Variants in THOP1 observed in about 807,000 individuals in gnomAD.
THOP1 encodes the protein thimet oligopeptidase.
A neutral mutation model predicts 71.8 loss-of-function variants in THOP1; 49 were observed. The observed-to-expected ratio is 0.68, with a 90% CI of 0.54 to 0.87. The LOEUF (loss-of-function observed/expected upper bound fraction) is 0.87, where lower values mean the gene tolerates loss of function less well. Ranked by LOEUF, THOP1 falls within the 40% of genes least tolerant of loss-of-function variation. THOP1 has a pLI of 0.00. For missense variants in THOP1, 843 were observed against 975.6 expected, an observed-to-expected ratio of 0.86 and a Z score of 1.81; for synonymous variants, 426 against 421.5, an observed-to-expected ratio of 1.01 and a Z score of -0.13.
Position 2,801,226 on chromosome 19 carries a change from G to A in THOP1, c.589+1435G>A, listed in dbSNP as rs1371325213. ...TCCTGGGGAAGTCTGTATGAAGCGC[G>A]GTGGAAGTTCAGTTGGCATCAGCCA... is the stretch of plus-strand genomic sequence containing the variant. On this transcript the variant is annotated intron_variant, in intron 5 of 12. Transcript: ENST00000307741. The surrounding 1 kb of genome is among the most constrained non-coding windows in gnomAD (Gnocchi z 5.1). 1.3e-5 allele frequency among the ~76,000 whole-genome samples: 2 copies of A among 152,302 alleles called. No individual in the cohort carries two copies. The highest frequency in any genetic ancestry group is 3.4e-3 in the Middle Eastern group (1 of 294).
chr19:2,787,583 A>G (rs895350281), intron 1 of THOP1, among the ~76,000 whole-genome samples: 3 of 152,184 alleles, frequency 2.0e-5, no homozygotes, highest in Non-Finnish European at 4.4e-5. Context: ...CTAAAATCCT[A>G]AATACTCTGT....
Position 2,808,194 on chromosome 19 carries a change from T to C in THOP1, c.1254-49T>C, listed in dbSNP as rs945573266. On this transcript the variant is annotated intron_variant, in intron 8 of 12. Coordinates refer to ENST00000307741, the MANE Select transcript of THOP1 (RefSeq NM_003249.5). ...CTGAGGGATGCGGAGTCAGGGACTC[T>C]TGCGGTGTCTCTAGTCCCTGCGGGG... 5 of 1,526,748 alleles carry C rather than the reference T, an allele frequency of 3.3e-6. No individual in the cohort carries two copies. The African/African-American group carries it at 4.1e-5, about 13-fold the overall frequency. 94.6% of individuals were successfully genotyped at this position (1,526,748 alleles called of 1,614,324 possible). A position where few individuals can be genotyped will look rare whatever the true frequency, so the allele number is the denominator to read the frequency against.
rs931084938 is a variant in THOP1, at chr19:2,810,645, T to G, written c.1648T>G (p.Phe550Val). The G allele has an allele frequency of 1.9e-6, 3 of 1,552,962 alleles. No homozygotes were observed. The highest frequency in any genetic ancestry group is 2.7e-5 in the African/African-American group (2 of 73,254). ...TCTCCTTCCCTCCCGCCCAGGCCTC[T>G]TCAACCTGCGCCAGATCGTCCTCGC... ...IESRQANTGL[F>V]NLRQIVLAKV... is the part of the protein sequence containing the mutation. The change falls in exon 11 of 13, where the codon TTC becomes GTC. Residue 550 changes from phenylalanine to valine, a missense_variant. Physicochemically the swap from Phe to Val is conservative, Grantham distance 50. Coordinates refer to ENST00000307741, the MANE Select transcript of THOP1 (RefSeq NM_003249.5).
intron 2 of THOP1, among the ~76,000 whole-genome samples, chr19:2,791,104 C>G (rs766494657): frequency 6.6e-6 from 1 of 152,184 alleles, no homozygotes; most frequent in Non-Finnish European, 1.5e-5. Flanking sequence ...TCTGCCTCTG[C>G]GCCCTCCGGC....
In THOP1 at chr19:2,801,535, C is replaced by CCGGG. The variant is rs755757799; in HGVS notation, c.589+1745_589+1748dup. 7.9e-5 allele frequency among the ~76,000 whole-genome samples: 12 copies of CCGGG among 152,168 alleles called. No homozygotes were observed. The highest frequency in any genetic ancestry group is 1.6e-4 in the Non-Finnish European group (11 of 68,034). ...TCCAGGGCTGTCCGCTGCTGCTGCC[C>CCGGG]CGGGACCTGTTTCCCTTTGTGGTCC... On this transcript the variant is annotated intron_variant, in intron 5 of 12. Coordinates refer to ENST00000307741, the MANE Select transcript of THOP1 (RefSeq NM_003249.5). The surrounding 1 kb of genome is among the most constrained non-coding windows in gnomAD (Gnocchi z 5.1).
chr19:2,801,225 C>T lies in THOP1; in HGVS notation c.589+1434C>T, dbSNP rs961558041. On this transcript the variant is annotated intron_variant, in intron 5 of 12. Transcript: ENST00000307741. This position sits in a 1 kb window ranked among gnomAD's most constrained non-coding sequence, Gnocchi z 5.1. Reference sequence around the variant, plus strand: ...ATCCTGGGGAAGTCTGTATGAAGCGCGGTGGAAGTTCAGTTGGCATCAGCC... The same window carrying T: ...ATCCTGGGGAAGTCTGTATGAAGCGTGGTGGAAGTTCAGTTGGCATCAGCC... 3.9e-5 allele frequency among the ~76,000 whole-genome samples: 6 copies of T among 152,176 alleles called. No homozygotes were observed. Among genetic ancestry groups the T allele is most frequent in the Admixed American group, 2.0e-4 (3 of 15,276 alleles).
intron 8 of THOP1, chr19:2,808,028 C>T: frequency 1.3e-6 from 1 of 779,456 alleles, no homozygotes; most frequent in Non-Finnish European, 2.0e-6. Flanking sequence ...CAGCTCTGCC[C>T]AGGCCGGAGT....
intron 4 of THOP1, among the ~76,000 whole-genome samples, chr19:2,798,951 C>T (rs1039411157): frequency 1.3e-5 from 2 of 152,222 alleles, no homozygotes; most frequent in Non-Finnish European, 2.9e-5. Context: ...ACTCAAGATT[C>T]AGTTCCTTTG....
chr19:2,805,242 A>C lies in THOP1; in HGVS notation c.750+66A>C, dbSNP rs1599528818. The C allele has an allele frequency of 1.3e-6, 2 of 1,524,006 alleles. No individual in the cohort carries two copies. Among genetic ancestry groups the C allele is most frequent in the Non-Finnish European group, 1.8e-6 (2 of 1,133,730 alleles). The allele number at this position is 1,524,006 out of a possible 1,614,324, so 94.4% of individuals were successfully genotyped here. A position where few individuals can be genotyped will look rare whatever the true frequency, so the allele number is the denominator to read the frequency against. On this transcript the variant is annotated intron_variant, in intron 6 of 12. Transcript: ENST00000307741. This position sits in a 1 kb window ranked among gnomAD's most constrained non-coding sequence, Gnocchi z 6.6. The stretch of plus-strand genomic sequence containing the variant: ...GGAGCTTGTGGGGCCCGTCTGCTCC[A>C]TGTGTGTGAGGCACCTCCAGGCTTT...
intron 1 of THOP1, among the ~76,000 whole-genome samples, chr19:2,789,288 C>T (rs531178376): frequency 2.0e-5 from 3 of 152,318 alleles, no homozygotes; most frequent in East Asian, 3.9e-4. Context: ...GGGCCCTGCA[C>T]GGTTAGGTGT....
Position 2,815,264 on chromosome 19 carries a change from T to TCA in THOP1, c.*1997_*1998dup, listed in dbSNP as rs1176554174. 1 of 152,274 alleles carries TCA rather than the reference T, an allele frequency of 6.6e-6. No individual in the cohort carries two copies. The highest frequency in any genetic ancestry group is 1.5e-5 in the Non-Finnish European group (1 of 68,142). The allele number at this position is 152,274 out of a possible 1,614,324, so 9.4% of individuals were successfully genotyped here. ...TGGGCCCTGGGCCATCACAGCCTTGTCACACACACAGCCTGGCCCATCACA... is the reference window on the plus strand; with the variant it reads ...TGGGCCCTGGGCCATCACAGCCTTGTCACACACACACAGCCTGGCCCATCACA... On this transcript the variant is annotated 3_prime_UTR_variant, in exon 13 of 13. Coordinates refer to ENST00000307741, the MANE Select transcript of THOP1 (RefSeq NM_003249.5).
chr19:2,788,704 C>G (rs1372986609), intron 1 of THOP1, among the ~76,000 whole-genome samples: 2 of 152,148 alleles, frequency 1.3e-5, no homozygotes, highest in African/African-American at 4.8e-5. Context: ...GTCTTGAACT[C>G]CTAGCCTCAG....
In THOP1 at chr19:2,805,671, A is replaced by G. The variant is rs2144776750; in HGVS notation, c.750+495A>G. Among the ~76,000 whole-genome samples, 1 of 152,148 alleles carries G rather than the reference A, an allele frequency of 6.6e-6. No homozygotes were observed. The highest frequency in any genetic ancestry group is 1.5e-5 in the Non-Finnish European group (1 of 67,984). On this transcript the variant is annotated intron_variant, in intron 6 of 12. Coordinates refer to ENST00000307741, the MANE Select transcript of THOP1 (RefSeq NM_003249.5). This position sits in a 1 kb window ranked among gnomAD's most constrained non-coding sequence, Gnocchi z 6.6. Reference sequence around the variant, plus strand: ...GTGTGGTCGGTCAGGTGGTCTCTGCACGTCTCCCATTCGCCATCTGGAACA... The same window carrying G: ...GTGTGGTCGGTCAGGTGGTCTCTGCGCGTCTCCCATTCGCCATCTGGAACA...
chr19:2,810,055 G>A (rs778973356), intron 9 of THOP1: 15 of 560,798 alleles, frequency 2.7e-5, no homozygotes, highest in African/African-American at 1.3e-4. Context: ...GAGGAGAAGC[G>A]TGGGTGGCCT....
At chr19:2,800,380 C>T (rs946018599) in intron 5 of THOP1, among the ~76,000 whole-genome samples, 9 of 152,274 alleles carry the variant, frequency 5.9e-5, no homozygotes, top group Admixed American at 3.9e-4. Flanking sequence ...GAGACGGTTT[C>T]GCCGTGTTGG....
At position 2,796,205 on chromosome 19, in the gene THOP1, G is replaced by T; in HGVS notation, c.486+17G>T. 1 of 1,592,178 alleles carries T rather than the reference G, an allele frequency of 6.3e-7. No homozygotes were observed. On this transcript the variant is annotated intron_variant, in intron 4 of 12. Coordinates refer to ENST00000307741, the MANE Select transcript of THOP1 (RefSeq NM_003249.5). ...ACTCAGGAAGTGAGTGCTGGGTGTAGGGAGTGCTGGGCGTGGGCAATGGTC... is the reference window on the plus strand; with the variant it reads ...ACTCAGGAAGTGAGTGCTGGGTGTATGGAGTGCTGGGCGTGGGCAATGGTC...
intron 11 of THOP1, 79 bp downstream of exon 11, chr19:2,810,847 CCA>C: frequency 6.6e-7 from 1 of 1,512,798 alleles, no homozygotes; most frequent in Non-Finnish European, 8.8e-7. Flanking sequence ...GAGTTGGTCC[CCA>C]TGCTTCACTT....
intron 8 of THOP1, 28 bp downstream of exon 8, chr19:2,807,836 C>T (rs998408629): frequency 3.1e-5 from 44 of 1,425,600 alleles, no homozygotes; most frequent in East Asian, 7.8e-5. Context: ...GGGCGGGGGG[C>T]GCACCCCGGC....
chr19:2,810,505 TC>T lies in THOP1; in HGVS notation c.1642+17del. On this transcript the variant is annotated intron_variant, in intron 10 of 12. Coordinates refer to ENST00000307741, the MANE Select transcript of THOP1 (RefSeq NM_003249.5). ...GGCCAACACAGGTGCACCCGCCCCG[TC>T]CGGGGAAGGGTGCTAACCTCGGGGG... is the stretch of plus-strand genomic sequence containing the variant. 5 of 1,545,458 alleles carry T rather than the reference TC, an allele frequency of 3.2e-6. No homozygotes were observed. The highest frequency in any genetic ancestry group is 4.4e-6 in the Non-Finnish European group (5 of 1,144,566).
Sources: gnomAD v4.1 joint callset for allele counts (sites outside exome capture counted in the v4.1 genomes callset) on GRCh38, gnomAD v4.1.1 for gene constraint, Gnocchi (gnomAD v3.1) non-coding constraint, MANE v1.5 for transcripts, NCBI Gene and HGNC (gene_info 2026-07-23, HGNC 2026-07-21) for gene names.